ALX4: variants seen among roughly 807,000 people sequenced by gnomAD.
ALX4 encodes the protein homeobox protein aristaless-like 4.
In ALX4, 22 loss-of-function variants were observed where a neutral mutation model predicts 40.6. The observed-to-expected ratio is 0.54, with a 90% CI of 0.39 to 0.77. The LOEUF is 0.77. Ranked by LOEUF, ALX4 falls within the 30% of genes least tolerant of loss-of-function variation. The probability of loss-of-function intolerance (pLI) is 0.00; values close to 1 mark genes in which losing one functional copy is unlikely to be tolerated. For missense variants in ALX4, 556 were observed against 564.8 expected (o/e 0.98, Z 0.16); for synonymous variants, 266 against 240.5 (o/e 1.11, Z -0.98).
chr11:44,266,721 C>G (rs1469191657), intron 3 of ALX4, among the ~76,000 whole-genome samples: 1 of 152,116 alleles, frequency 6.6e-6, no homozygotes, highest in Non-Finnish European at 1.5e-5. Context: ...CAGGAGAGGA[C>G]TTGGACTTGG....
At position 44,267,557 on chromosome 11, in the gene ALX4, A is replaced by T. The variant is rs745376185; in HGVS notation, c.843T>A (p.Val281=). The T allele has an allele frequency of 6.2e-6, 10 of 1,614,132 alleles. No individual in the cohort carries two copies. Among genetic ancestry groups the T allele is most frequent in the Non-Finnish European group, 7.6e-6 (9 of 1,180,018 alleles). ...KRERFGQMQQ[V]RTHFSTAYEL... Reference sequence around the variant, plus strand: ...CATATGCAGTGGAGAAGTGGGTTCGAACCTGCTGCATCTGCCCAAAACGCT... The same window carrying T: ...CATATGCAGTGGAGAAGTGGGTTCGTACCTGCTGCATCTGCCCAAAACGCT... Residue 281 remains valine (V), a synonymous_variant, in exon 3 of 4, where the codon GTT becomes GTA. Coordinates refer to ENST00000652299, the MANE Select transcript of ALX4 (RefSeq NM_021926.4).
chr11:44,289,207 G>T (rs1044132166), intron 1 of ALX4, among the ~76,000 whole-genome samples: 23 of 152,168 alleles, frequency 1.5e-4, no homozygotes, highest in Admixed American at 4.6e-4. Flanking sequence ...ATTGGGTATT[G>T]CCAGTCAAGG....
chr11:44,264,992 G>T lies in ALX4; in HGVS notation c.1098C>A (p.Ser366Arg). Residue 366 changes from serine (S) to arginine (R), a missense_variant, in exon 4 of 4, where the codon AGC becomes AGA. Transcript: ENST00000652299. ...GGCTGAGGCTGGCTGCTCCAAACAG[G>T]CTGCCCATGTGCGTCTGGCCCACGT... ...GSHVGQTHMG[S>R]LFGAASLSPG... is the part of the protein sequence containing the mutation. 1 of 1,613,100 alleles carries T rather than the reference G, an allele frequency of 6.2e-7. No homozygotes were observed. Among genetic ancestry groups the T allele is most frequent in the Non-Finnish European group, 8.5e-7 (1 of 1,179,946 alleles).
rs560707944 is a variant in ALX4 at position 44,275,336 on chromosome 11, G to A, written c.777+12C>T. On this transcript the variant is annotated intron_variant, in intron 2 of 3. Transcript: ENST00000652299. ...GCTTTACCAGCCTCACTCCCAGGTG[G>A]CCCTCACTGACCTGCACGCGGGCCT... is the stretch of plus-strand genomic sequence containing the variant. 2.7e-5 allele frequency: 44 copies of A among 1,614,028 alleles called. No individual in the cohort carries two copies. In the East Asian group the frequency reaches 7.1e-4, roughly 26 times the overall value.
chr11:44,290,497 C>A (rs1956363049), intron 1 of ALX4, among the ~76,000 whole-genome samples: 1 of 152,208 alleles, frequency 6.6e-6, no homozygotes, highest in Admixed American at 6.5e-5. Flanking sequence ...GTGACAGGGG[C>A]CATGGTTACA....
At position 44,282,947 on chromosome 11, in the gene ALX4, CA is replaced by C. The variant is rs527804149; in HGVS notation, c.467-7290del. ...TGTTAAAACTCATAAAAGTATATAC[CA>C]AAAAGTTTTTTACAGCTGGGCGTGG... is the stretch of plus-strand genomic sequence containing the variant. On this transcript the variant is annotated intron_variant, in intron 1 of 3. Coordinates refer to ENST00000652299, the MANE Select transcript of ALX4 (RefSeq NM_021926.4). 3.1e-3 allele frequency among the ~76,000 whole-genome samples: 468 copies of C among 152,084 alleles called. 5 individuals are homozygous for C. Among genetic ancestry groups the C allele is most frequent in the African/African-American group, 0.011 (454 of 41,506 alleles).
intron 1 of ALX4, among the ~76,000 whole-genome samples, chr11:44,309,291 C>T (rs1157147804): frequency 6.6e-6 from 1 of 151,230 alleles, no homozygotes; most frequent in East Asian, 2.0e-4. Context: ...AAGAAGCATC[C>T]GCTTCAAATC....
chr11:44,309,180 TCGCAGCCCCGCA>T (rs1956488973), intron 1 of ALX4, among the ~76,000 whole-genome samples: 15 of 138,730 alleles, frequency 1.1e-4, no homozygotes, highest in South Asian at 4.7e-4. Context: ...CCCCGCAGCC[TCGCAGCCCCGCA>T]GCCCCGCAGC....
At chr11:44,268,219 G>A (rs1048203504) in intron 2 of ALX4, among the ~76,000 whole-genome samples, 1 of 152,236 alleles carries the variant, frequency 6.6e-6, no homozygotes, top group African/African-American at 2.4e-5. Context: ...ACTTCCTGGA[G>A]GAGGGACAGG....
At chr11:44,269,046 C>T (rs1336137370) in intron 2 of ALX4, among the ~76,000 whole-genome samples, 1 of 152,260 alleles carries the variant, frequency 6.6e-6, no homozygotes, top group African/African-American at 2.4e-5. Flanking sequence ...ACGACCAATG[C>T]AGCTGCTGAG....
intron 1 of ALX4, among the ~76,000 whole-genome samples, chr11:44,294,090 C>T (rs962308048): frequency 3.3e-5 from 5 of 152,248 alleles, no homozygotes; most frequent in African/African-American, 1.2e-4. Context: ...AGGCAGTGGG[C>T]ATGAGCCCCC....
chr11:44,288,180 G>A (rs899659025), intron 1 of ALX4, among the ~76,000 whole-genome samples: 2 of 152,058 alleles, frequency 1.3e-5, no homozygotes, highest in Admixed American at 6.5e-5. Context: ...GAGCCACTGC[G>A]CCCAGCCTGC....
intron 1 of ALX4, among the ~76,000 whole-genome samples, chr11:44,309,056 T>C (rs1328440998): frequency 6.6e-6 from 1 of 152,190 alleles, no homozygotes; most frequent in Non-Finnish European, 1.5e-5. Flanking sequence ...CGCTCCGGGC[T>C]TCCCGCCTGG....
At position 44,309,748 on chromosome 11, in the gene ALX4, CGGCTGCGGCGGCGGCTGG is replaced by C. The variant is rs1956495519; in HGVS notation, c.297_314del (p.Pro102_Pro107del). On this transcript the variant is annotated inframe_deletion, in exon 1 of 4. Coordinates refer to ENST00000652299, the MANE Select transcript of ALX4 (RefSeq NM_021926.4). The stretch of plus-strand genomic sequence containing the variant: ...GCTGCGGCTGCTGCTGCTGCGGCTG[CGGCTGCGGCGGCGGCTGG>C]GGCTGCGGGGTCGACGGCTGGGGCT... The C allele has an allele frequency of 1.0e-5, 16 of 1,534,872 alleles. No individual in the cohort carries two copies. The highest frequency in any genetic ancestry group is 1.7e-5 in the African/African-American group (1 of 60,414).
intron 1 of ALX4, among the ~76,000 whole-genome samples, chr11:44,299,358 T>TG (rs1416014627): frequency 1.5e-5 from 2 of 131,904 alleles, no homozygotes; most frequent in Admixed American, 1.5e-4. Context: ...GCCATGGTTT[T>TG]TTTTTTTTTT....
At chr11:44,292,322 C>T (rs1956374281) in intron 1 of ALX4, among the ~76,000 whole-genome samples, 2 of 151,944 alleles carry the variant, frequency 1.3e-5, no homozygotes, top group African/African-American at 2.4e-5. Flanking sequence ...CCTCCCTCCT[C>T]AGCCTCCTGA....
At chr11:44,281,895 G>A (rs1391652341) in intron 1 of ALX4, among the ~76,000 whole-genome samples, 1 of 152,174 alleles carries the variant, frequency 6.6e-6, no homozygotes, top group Non-Finnish European at 1.5e-5. Flanking sequence ...CGGCCCTCAA[G>A]GGGCTGCCAA....
At chr11:44,309,479 G>C (rs1331835474) in intron 1 of ALX4, 118 bp downstream of exon 1, 3 of 1,491,974 alleles carry the variant, frequency 2.0e-6, no homozygotes, top group Non-Finnish European at 2.7e-6. Flanking sequence ...ACCGACCAGA[G>C]TCACCACCCC....
chr11:44,271,339 G>A (rs762686293), intron 2 of ALX4, among the ~76,000 whole-genome samples: 4 of 152,208 alleles, frequency 2.6e-5, no homozygotes, highest in East Asian at 1.9e-4. Context: ...GATTCCAGTC[G>A]CAGTGCTGCT....
Sources: gnomAD v4.1 joint callset for allele counts (sites outside exome capture counted in the v4.1 genomes callset) on GRCh38, gnomAD v4.1.1 for gene constraint, MANE v1.5 for transcripts, NCBI Gene and HGNC (gene_info 2026-07-23, HGNC 2026-07-21) for gene names.